The following XRCC5 variants were observed in gnomAD, a reference collection of about 807,000 sequenced individuals.
The protein encoded by XRCC5 is X-ray repair cross complementing 5, also known as DNA repair protein Ku80.
XRCC5 carries 12 observed loss-of-function variants against 95.7 expected under a neutral mutation model. The observed-to-expected ratio is 0.13, with a 90% CI of 0.08 to 0.20. The LOEUF (loss-of-function observed/expected upper bound fraction) is 0.20, where lower values mean the gene tolerates loss of function less well. Among genes scored for constraint, XRCC5 ranks in the 10% least tolerant of loss-of-function variants. The pLI, the probability that XRCC5 is intolerant of heterozygous loss-of-function variation, is 1.00. For synonymous variants in XRCC5, 281 were observed against 290.3 expected (o/e 0.97, Z 0.33); for missense variants, 595 against 873.9 (o/e 0.68, Z 4.02).
intron 4 of XRCC5, 102 bp downstream of exon 4, chr2:216,117,896 A>T (rs913594517): frequency 8.2e-7 from 1 of 1,215,514 alleles, no homozygotes; most frequent in African/African-American, 1.5e-5. Context: ...ATCAAGCTGC[A>T]TGTTTGTGTG....
intron 8 of XRCC5, among the ~76,000 whole-genome samples, chr2:216,128,226 C>T (rs1007306739): frequency 1.3e-5 from 2 of 152,126 alleles, no homozygotes; most frequent in East Asian, 1.9e-4. Context: ...TAGAAACTAG[C>T]TGAGGATATC....
At chr2:216,190,158 A>G in intron 16 of XRCC5, 67 bp from the exon 17 acceptor site, 1 of 1,396,910 alleles carries the variant, frequency 7.2e-7, no homozygotes, top group Non-Finnish European at 1.0e-6. Context: ...TATAGGCACA[A>G]ACACAGAAGC....
intron 2 of XRCC5, among the ~76,000 whole-genome samples, chr2:216,115,161 G>A (rs1373917900): frequency 8.0e-6 from 1 of 125,112 alleles, no homozygotes; most frequent in African/African-American, 3.1e-5. Flanking sequence ...CCTTGCTTAT[G>A]TCTGTCGTTT....
intron 2 of XRCC5, among the ~76,000 whole-genome samples, chr2:216,114,419 G>A (rs532541654): frequency 5.9e-5 from 9 of 152,168 alleles, no homozygotes; most frequent in Admixed American, 4.6e-4. Flanking sequence ...CTCTAACCCT[G>A]TTCTTGGTTA....
chr2:216,191,489 C>T (rs1689611539), intron 17 of XRCC5, among the ~76,000 whole-genome samples: 1 of 151,866 alleles, frequency 6.6e-6, no homozygotes. Flanking sequence ...CGGCTCACTG[C>T]AACCTCTGCC....
At chr2:216,130,123 C>G in intron 8 of XRCC5, among the ~76,000 whole-genome samples, 1 of 151,842 alleles carries the variant, frequency 6.6e-6, no homozygotes, top group Non-Finnish European at 1.5e-5. Context: ...TGCATTTGTC[C>G]AAGGCCAGAA....
chr2:216,111,403 G>A, intron 1 of XRCC5: 1 of 450,248 alleles, frequency 2.2e-6, no homozygotes, highest in Non-Finnish European at 4.4e-6. Flanking sequence ...GTGCAACTGT[G>A]GTCCCAGCTA....
rs1342760610 is a variant in XRCC5 at position 216,109,549 on chromosome 2, C to CA, written c.21+95dup. On this transcript the variant is annotated intron_variant, in intron 1 of 20. Transcript: ENST00000392132. ...AGGAATCGTGGGATCGCGGTCAAGA[C>CA]AAAGAATGGGGCAAGAGAAGATCAT... The CA allele has an allele frequency of 2.6e-6, 4 of 1,558,266 alleles. No homozygotes were observed. In the Admixed American group the frequency reaches 7.3e-5, roughly 29 times the overall value.
chr2:216,174,748 TC>T, intron 16 of XRCC5: 1 of 185,054 alleles, frequency 5.4e-6, no homozygotes, highest in South Asian at 1.1e-4. Context: ...CAATAACTTT[TC>T]TGACCATGGA....
At chr2:216,117,930 T>A in intron 4 of XRCC5, 136 bp downstream of exon 4, 2 of 916,196 alleles carry the variant, frequency 2.2e-6, no homozygotes, top group Non-Finnish European at 3.4e-6. Flanking sequence ...TTTATAGAAT[T>A]GAATGGTTCA....
intron 5 of XRCC5, among the ~76,000 whole-genome samples, chr2:216,120,683 A>G (rs1025610947): frequency 2.0e-5 from 3 of 152,106 alleles, no homozygotes; most frequent in African/African-American, 7.2e-5. Context: ...AGCCTTCTGT[A>G]TAGCTGAGAC....
intron 2 of XRCC5, among the ~76,000 whole-genome samples, chr2:216,113,340 A>G (rs192837979): frequency 2.0e-5 from 3 of 152,254 alleles, no homozygotes; most frequent in Non-Finnish European, 4.4e-5. Flanking sequence ...TTCACTAGAT[A>G]TTACAGTTTT....
Position 216,127,889 on chromosome 2 carries a change from CTG to C in XRCC5, c.937+218_937+219del, listed in dbSNP as rs1287216444. 6 of 324,258 alleles carry C rather than the reference CTG, an allele frequency of 1.9e-5. No homozygotes were observed. In the East Asian group the frequency reaches 2.2e-4, roughly 12 times the overall value. 20.1% of individuals were successfully genotyped at this position (324,258 alleles called of 1,614,324 possible). On this transcript the variant is annotated intron_variant, in intron 8 of 20. Transcript: ENST00000392132. ...AGGAGTACACTTGGGTGTTCCATCT[CTG>C]TGAGTTTTAAATGTCTTAAGTGATA...
intron 15 of XRCC5, among the ~76,000 whole-genome samples, 169 bp from the exon 16 acceptor site, chr2:216,161,810 C>A (rs774680685): frequency 6.6e-6 from 1 of 152,174 alleles, no homozygotes; most frequent in Admixed American, 6.5e-5. Flanking sequence ...TGAAATCTGC[C>A]GGCCTTTCAC....
At chr2:216,148,345 T>C (rs1389092380) in intron 14 of XRCC5, 69 bp downstream of exon 14, 2 of 1,443,732 alleles carry the variant, frequency 1.4e-6, no homozygotes, top group Non-Finnish European at 1.9e-6. Context: ...AGAGTGGCTC[T>C]GGAAGTGTCA....
At chr2:216,127,212 C>A (rs12694384) in intron 7 of XRCC5, among the ~76,000 whole-genome samples, 44,889 of 151,908 alleles carry the variant, frequency 0.3, 7,319 homozygotes, top group East Asian at 0.67. Context: ...TGCACTCCAA[C>A]CTGAGCGATA....
intron 4 of XRCC5, among the ~76,000 whole-genome samples, chr2:216,118,282 T>A (rs1696739640): frequency 6.6e-6 from 1 of 151,750 alleles, no homozygotes; most frequent in African/African-American, 2.4e-5. Context: ...GCTCAAGAGA[T>A]CCTTGCATCT....
chr2:216,141,840 G>A (rs1454156039), intron 13 of XRCC5, among the ~76,000 whole-genome samples: 2 of 152,020 alleles, frequency 1.3e-5, no homozygotes, highest in East Asian at 3.9e-4. Flanking sequence ...ATCACTTGAG[G>A]TCAGGAGTTC....
At chr2:216,127,491 G>T in intron 7 of XRCC5, 45 bp from the exon 8 acceptor site, 8 of 1,553,026 alleles carry the variant, frequency 5.2e-6, no homozygotes, top group Non-Finnish European at 6.9e-6. Context: ...CTATCAATTG[G>T]AATCCTAACT....
Sources: allele counts gnomAD v4.1 joint callset (sites outside exome capture counted in the v4.1 genomes callset), GRCh38; gene constraint gnomAD v4.1.1; transcripts MANE v1.5; gene names NCBI Gene and HGNC (gene_info 2026-07-23, HGNC 2026-07-21).